The following SDK1 variants were observed in gnomAD, a reference collection of about 807,000 sequenced individuals.
SDK1 encodes the protein protein sidekick-1.
Under a neutral mutation model 245.5 loss-of-function variants are expected in SDK1, and 157 were observed. The observed-to-expected ratio is 0.64, with a 90% CI of 0.56 to 0.73. The LOEUF is 0.73. Among genes scored for constraint, SDK1 ranks in the 30% least tolerant of loss-of-function variants. SDK1 has a pLI of 0.00. For missense variants in SDK1, 3,583 were observed against 3,002.3 expected, an observed-to-expected ratio of 1.19 and a Z score of -4.52; for synonymous variants, 1,647 against 1,278.5, an observed-to-expected ratio of 1.29 and a Z score of -6.15.
At chr7:3,604,006 C>T (rs1406054851) in intron 1 of SDK1, among the ~76,000 whole-genome samples, 1 of 152,170 alleles carries the variant, frequency 6.6e-6, no homozygotes, top group Non-Finnish European at 1.5e-5. Context: ...GTATGTTGAA[C>T]CAGCCTTGCA....
intron 44 of SDK1, among the ~76,000 whole-genome samples, chr7:4,248,662 ATAAC>A (rs948519593): frequency 3.4e-4 from 51 of 152,208 alleles, no homozygotes; most frequent in Admixed American, 1.6e-3. Flanking sequence ...ACATGTACAA[ATAAC>A]TACACACCTG....
At chr7:3,579,440 A>G (rs940765342) in intron 1 of SDK1, among the ~76,000 whole-genome samples, 1 of 152,222 alleles carries the variant, frequency 6.6e-6, no homozygotes, top group Non-Finnish European at 1.5e-5. Flanking sequence ...GATTATCTCA[A>G]TAGGTGCAGA....
chr7:4,237,973 C>T (rs1406657526), intron 42 of SDK1, among the ~76,000 whole-genome samples, 189 bp downstream of exon 42: 6 of 152,138 alleles, frequency 3.9e-5, no homozygotes, highest in African/African-American at 1.4e-4. Context: ...CTCTATGCCT[C>T]GGGACCCAGA....
chr7:3,597,307 CTG>C (rs1303131534), intron 1 of SDK1, among the ~76,000 whole-genome samples: 4 of 149,452 alleles, frequency 2.7e-5, no homozygotes, highest in Non-Finnish European at 5.9e-5. Context: ...ATGTTACAGT[CTG>C]TTTATGTTAT....
intron 40 of SDK1, among the ~76,000 whole-genome samples, chr7:4,223,761 G>A (rs963595123): frequency 6.6e-6 from 1 of 152,160 alleles, no homozygotes; most frequent in Admixed American, 6.5e-5. Context: ...GCAGTGGGGG[G>A]CAGAGACATA....
intron 1 of SDK1, among the ~76,000 whole-genome samples, chr7:3,595,352 C>T (rs1209586808): frequency 2.6e-5 from 4 of 151,722 alleles, no homozygotes; most frequent in African/African-American, 7.3e-5. Flanking sequence ...TTAAATGTCC[C>T]CTGCATGAAA....
chr7:3,993,483 G>T (rs1354934588), intron 14 of SDK1, among the ~76,000 whole-genome samples: 1 of 152,096 alleles, frequency 6.6e-6, no homozygotes, highest in Non-Finnish European at 1.5e-5. Context: ...AATAGGATGA[G>T]TGTTCGTAAT....
At position 3,770,878 on chromosome 7, in the gene SDK1, T is replaced by G. The variant is rs752783908; in HGVS notation, c.714-50572T>G. ...GAGTTACGAGGCCTGGCTTAGTTTC[T>G]TCTGTTGGTGAGGGAAGGAAGGTAA... On this transcript the variant is annotated intron_variant, in intron 4 of 44. Transcript: ENST00000404826. Among the ~76,000 whole-genome samples, 35 of 152,180 alleles carry G rather than the reference T, an allele frequency of 2.3e-4. 1 individual carries two copies. The highest frequency in any genetic ancestry group is 4.7e-4 in the Non-Finnish European group (32 of 68,030).
intron 4 of SDK1, among the ~76,000 whole-genome samples, chr7:3,649,742 C>T (rs1317494400): frequency 2.0e-5 from 3 of 152,116 alleles, no homozygotes; most frequent in Non-Finnish European, 4.4e-5. Flanking sequence ...AGTTGGCCGG[C>T]GTGGGAGCCA....
chr7:4,210,569 G>A (rs556925394), intron 38 of SDK1, among the ~76,000 whole-genome samples: 13 of 152,226 alleles, frequency 8.5e-5, no homozygotes, highest in African/African-American at 2.9e-4. Context: ...ACAGGCCTTC[G>A]GCTACCCTCA....
intron 1 of SDK1, among the ~76,000 whole-genome samples, chr7:3,485,683 GTTTTTT>G (rs71552309): frequency 0.034 from 1,308 of 38,262 alleles, 56 homozygotes; most frequent in African/African-American, 0.1. Flanking sequence ...TCTTTGGAGG[GTTTTTT>G]TTTTTTTTTT....
rs775553226 is a variant in SDK1, at chr7:4,264,431, TG to T, written c.6382-689del. ...TAAGGAAGGCCGCGTGGACCTCTCC[TG>T]GGGTAAGGAAGGCCGCGTGGACCTC... On this transcript the variant is annotated intron_variant, in intron 44 of 44. Transcript: ENST00000404826. Among the ~76,000 whole-genome samples the T allele has an allele frequency of 2.1e-3, 221 of 103,824 alleles. 9 individuals are homozygous for T. Among genetic ancestry groups the T allele is most frequent in the Middle Eastern group, 6.4e-3 (1 of 156 alleles). 68.1% of individuals were successfully genotyped at this position (103,824 alleles called of 152,430 possible).
At chr7:3,963,802 G>A (rs1029962826) in intron 9 of SDK1, among the ~76,000 whole-genome samples, 5 of 151,986 alleles carry the variant, frequency 3.3e-5, no homozygotes, top group East Asian at 1.9e-4. Flanking sequence ...TGACCTGGAC[G>A]TATCCAGTGA....
intron 5 of SDK1, among the ~76,000 whole-genome samples, chr7:3,865,013 T>G (rs1242143409): frequency 6.6e-6 from 1 of 152,188 alleles, no homozygotes; most frequent in Non-Finnish European, 1.5e-5. Flanking sequence ...CTGAGCACAT[T>G]TCCTATACGT....
At chr7:3,400,718 G>C (rs1169542102) in intron 1 of SDK1, among the ~76,000 whole-genome samples, 2 of 152,244 alleles carry the variant, frequency 1.3e-5, no homozygotes, top group East Asian at 3.9e-4. Flanking sequence ...TTTGTAGTTG[G>C]TGGGTTCATG....
chr7:3,926,717 C>A (rs1779783604), intron 5 of SDK1, among the ~76,000 whole-genome samples: 1 of 152,312 alleles, frequency 6.6e-6, no homozygotes, highest in Middle Eastern at 3.4e-3. Flanking sequence ...CCCAGGCTGT[C>A]ACATACCAGC....
At chr7:3,390,340 C>T (rs1781718031) in intron 1 of SDK1, among the ~76,000 whole-genome samples, 1 of 152,170 alleles carries the variant, frequency 6.6e-6, no homozygotes, top group African/African-American at 2.4e-5. Context: ...CTTTGCTCAT[C>T]AGCCTTTTAA....
At chr7:3,797,645 A>G (rs1427343624) in intron 4 of SDK1, among the ~76,000 whole-genome samples, 1 of 151,776 alleles carries the variant, frequency 6.6e-6, no homozygotes, top group Non-Finnish European at 1.5e-5. Flanking sequence ...CATGCTATGT[A>G]TGTCATAATT....
intron 5 of SDK1, among the ~76,000 whole-genome samples, chr7:3,840,221 G>A (rs77935212): frequency 8.5e-4 from 130 of 152,272 alleles, no homozygotes; most frequent in African/African-American, 2.2e-3. Flanking sequence ...AGGCATATGC[G>A]TAATTTTAAA....
Sources: allele counts gnomAD v4.1 joint callset (sites outside exome capture counted in the v4.1 genomes callset), GRCh38; gene constraint gnomAD v4.1.1; transcripts MANE v1.5; gene names NCBI Gene and HGNC (gene_info 2026-07-23, HGNC 2026-07-21).